The following NCMAP variants were observed in gnomAD, a reference collection of about 807,000 sequenced individuals.
The protein encoded by NCMAP is noncompact myelin-associated protein.
Under a neutral mutation model 7.8 loss-of-function variants are expected in NCMAP, and 8 were observed. That is an observed-to-expected ratio of 1.02 (90% confidence interval 0.60 to 1.84). The LOEUF is 1.84. NCMAP is among the 40% of genes most tolerant of loss of function. NCMAP has a pLI of 0.00. For synonymous variants in NCMAP, 41 were observed against 52.9 expected (o/e 0.78, Z 0.98); for missense variants, 112 against 131.4 (o/e 0.85, Z 0.72).
intron 1 of NCMAP, among the ~76,000 whole-genome samples, chr1:24,569,581 T>C (rs189147006): frequency 6.6e-6 from 1 of 150,784 alleles, no homozygotes; most frequent in African/African-American, 2.5e-5. Flanking sequence ...TGAACTGTGG[T>C]GTACTTGGCC....
Position 24,601,034 on chromosome 1 carries a change from C to T in NCMAP, c.167+10C>T, listed in dbSNP as rs767414418. ...TGAAGATGTACAACAGGTACGGATGCCCTGGGCTTTGGAACTGCCTGGACG... is the reference window on the plus strand; with the variant it reads ...TGAAGATGTACAACAGGTACGGATGTCCTGGGCTTTGGAACTGCCTGGACG... On this transcript the variant is annotated intron_variant, in intron 3 of 3. Transcript: ENST00000374392. The T allele has an allele frequency of 2.5e-6, 4 of 1,612,792 alleles. No individual in the cohort carries two copies. In the East Asian group the frequency reaches 8.9e-5, roughly 36 times the overall value.
chr1:24,593,605 T>C (rs1652117463), intron 1 of NCMAP, among the ~76,000 whole-genome samples: 1 of 152,212 alleles, frequency 6.6e-6, no homozygotes. Flanking sequence ...TTAAAAAACA[T>C]TTCTTACTTT....
chr1:24,588,527 G>A (rs1651953224), intron 1 of NCMAP, among the ~76,000 whole-genome samples: 1 of 152,146 alleles, frequency 6.6e-6, no homozygotes, highest in Non-Finnish European at 1.5e-5. Context: ...GGGAGAGGGG[G>A]TACCCCTAGG....
At chr1:24,593,794 C>A (rs1252715951) in intron 1 of NCMAP, among the ~76,000 whole-genome samples, 1 of 151,922 alleles carries the variant, frequency 6.6e-6, no homozygotes, top group Admixed American at 6.6e-5. Context: ...AAGTGCCACT[C>A]GGAAATAATG....
At chr1:24,558,902 A>AAAAAG (rs960881159) in intron 1 of NCMAP, among the ~76,000 whole-genome samples, 1 of 152,198 alleles carries the variant, frequency 6.6e-6, no homozygotes, top group Non-Finnish European at 1.5e-5. Flanking sequence ...ATGAAAGGTT[A>AAAAAG]AAAAGAAAAG....
intron 3 of NCMAP, among the ~76,000 whole-genome samples, chr1:24,602,842 C>T (rs1440147825): frequency 6.6e-6 from 1 of 151,740 alleles, no homozygotes; most frequent in Non-Finnish European, 1.5e-5. Context: ...ATCACGGGGT[C>T]AGGAGTTTGA....
At chr1:24,565,573 TGTG>T (rs1043883154) in intron 1 of NCMAP, among the ~76,000 whole-genome samples, 2 of 1,134 alleles carry the variant, frequency 1.8e-3, no homozygotes, top group African/African-American at 5.0e-3. Flanking sequence ...GATAGAAGAT[TGTG>T]TGTGTGTGTG....
intron 1 of NCMAP, among the ~76,000 whole-genome samples, chr1:24,589,176 C>T (rs1557599898): frequency 6.6e-6 from 1 of 152,048 alleles, no homozygotes; most frequent in Non-Finnish European, 1.5e-5. Context: ...GAGTGCGGTG[C>T]CGGACACATA....
rs560739698 is a variant in NCMAP at position 24,573,580 on chromosome 1, T to C, written c.-8+17411T>C. Among the ~76,000 whole-genome samples the C allele has an allele frequency of 4.7e-5, 7 of 149,062 alleles. 3 individuals are homozygous for C. Among genetic ancestry groups the C allele is most frequent in the African/African-American group, 1.8e-4 (7 of 38,640 alleles). Reference sequence around the variant, plus strand: ...TCCAGCATGAGTGACATAGCAAGACTCTGTCCCCCCTACAAAAAAGAAACA... The same window carrying C: ...TCCAGCATGAGTGACATAGCAAGACCCTGTCCCCCCTACAAAAAAGAAACA... On this transcript the variant is annotated intron_variant, in intron 1 of 3. Coordinates refer to ENST00000374392, the MANE Select transcript of NCMAP (RefSeq NM_001010980.5).
chr1:24,599,816 T>A (rs2148937869), intron 2 of NCMAP, among the ~76,000 whole-genome samples: 1 of 34,432 alleles, frequency 2.9e-5, no homozygotes, highest in South Asian at 2.1e-3. Flanking sequence ...GACCTCGTGA[T>A]CCGCCCCCCC....
chr1:24,560,625 T>A (rs1016153202), intron 1 of NCMAP, among the ~76,000 whole-genome samples: 1 of 152,074 alleles, frequency 6.6e-6, no homozygotes, highest in African/African-American at 2.4e-5. Context: ...GCACCTGTGG[T>A]CCCAGCTCCT....
At chr1:24,604,573 TAAAAAAAAAAAAAAAAAA>T (rs1159689184) in intron 3 of NCMAP, among the ~76,000 whole-genome samples, 3 of 11,056 alleles carry the variant, frequency 2.7e-4, no homozygotes, top group African/African-American at 8.9e-4. Flanking sequence ...TAAGACTGTC[TAAAAAAAAAAAAAAAAAA>T]AAAAAAAAAA....
intron 1 of NCMAP, among the ~76,000 whole-genome samples, chr1:24,583,764 C>G (rs1271601918): frequency 6.6e-6 from 1 of 151,520 alleles, no homozygotes; most frequent in Non-Finnish European, 1.5e-5. Flanking sequence ...GAATCCTTCC[C>G]TAGCAGGGTC....
At chr1:24,574,910 C>T (rs1404287936) in intron 1 of NCMAP, among the ~76,000 whole-genome samples, 1 of 150,774 alleles carries the variant, frequency 6.6e-6, no homozygotes, top group Non-Finnish European at 1.5e-5. Flanking sequence ...ATTCTCCCGC[C>T]TCAGCCTCCC....
At chr1:24,577,401 GTTTTTTTTTTTTTTTTTTTT>G (rs71577720) in intron 1 of NCMAP, among the ~76,000 whole-genome samples, 1 of 39,956 alleles carries the variant, frequency 2.5e-5, no homozygotes, top group Non-Finnish European at 4.5e-5. Context: ...CACTGGCCTT[GTTTTTTTTTTTTTTTTTTTT>G]TTTTTTTTTT....
chr1:24,574,273 C>T (rs1158315081), intron 1 of NCMAP, among the ~76,000 whole-genome samples: 1 of 150,676 alleles, frequency 6.6e-6, no homozygotes, highest in Non-Finnish European at 1.5e-5. Flanking sequence ...TGCGTGCCAC[C>T]ATGCCCAGCT....
In NCMAP at chr1:24,595,404, A is replaced by T. The variant is rs933718779; in HGVS notation, c.-7-20A>T. 9 of 1,560,288 alleles carry T rather than the reference A, an allele frequency of 5.8e-6. No individual in the cohort carries two copies. The African/African-American group carries it at 1.2e-4, about 21-fold the overall frequency. ...GGATTTATCTAATTTTAAACAAAAT[A>T]TCTTCTTCTTTCTCATCAGGATCGA... On this transcript the variant is annotated intron_variant, in intron 1 of 3. Coordinates refer to ENST00000374392, the MANE Select transcript of NCMAP (RefSeq NM_001010980.5).
chr1:24,598,557 G>T (rs1054263138), intron 2 of NCMAP, among the ~76,000 whole-genome samples: 2 of 151,932 alleles, frequency 1.3e-5, no homozygotes, highest in African/African-American at 4.8e-5. Context: ...TATTTTAATG[G>T]TTGTAACATA....
At chr1:24,603,370 TA>T (rs922007795) in intron 3 of NCMAP, among the ~76,000 whole-genome samples, 38 of 149,838 alleles carry the variant, frequency 2.5e-4, no homozygotes, top group African/African-American at 3.5e-4. Context: ...AAAAATTATT[TA>T]AAAAAAAATT....
Sources: allele counts gnomAD v4.1 joint callset (sites outside exome capture counted in the v4.1 genomes callset), GRCh38; gene constraint gnomAD v4.1.1; transcripts MANE v1.5; gene names NCBI Gene and HGNC (gene_info 2026-07-23, HGNC 2026-07-21).